CADM2: variants seen among roughly 807,000 people sequenced by gnomAD.
CADM2 encodes the protein cell adhesion molecule 2.
Under a neutral mutation model 49.8 loss-of-function variants are expected in CADM2, and 12 were observed. That is an observed-to-expected ratio of 0.24 (90% CI 0.15 to 0.39). The LOEUF is 0.39. Ranked by LOEUF, CADM2 falls within the 10% of genes least tolerant of loss-of-function variation. The pLI, the probability that CADM2 is intolerant of heterozygous loss-of-function variation, is 1.00. For missense variants in CADM2, 378 were observed against 492.3 expected (o/e 0.77, Z 2.20); for synonymous variants, 214 against 175.4 (o/e 1.22, Z -1.74).
chr3:85,117,941 T>C (rs1000422163), intron 1 of CADM2, among the ~76,000 whole-genome samples: 3 of 152,168 alleles, frequency 2.0e-5, no homozygotes, highest in African/African-American at 7.2e-5. Flanking sequence ...TTCACAACTC[T>C]AAAAATTGTA....
rs115338919 is a variant in CADM2 at position 85,626,642 on chromosome 3, T to A, written c.62-99880T>A. On this transcript the variant is annotated intron_variant, in intron 1 of 9. Transcript: ENST00000383699. ...CTGTTGACAGCAAAGAGATTTCTCA[T>A]GTAATTGAAAAATAGCAATTATTAA... 8.2e-3 allele frequency among the ~76,000 whole-genome samples: 1,255 copies of A among 152,184 alleles called. 5 individuals carry two copies. Among genetic ancestry groups the A allele is most frequent in the South Asian group, 0.025 (121 of 4,828 alleles).
intron 1 of CADM2, among the ~76,000 whole-genome samples, chr3:85,495,923 G>C (rs543418684): frequency 6.6e-5 from 10 of 151,998 alleles, no homozygotes; most frequent in Admixed American, 5.9e-4. Context: ...ATGACAACTG[G>C]AACAAGTATC....
rs1267098016 is a variant in CADM2 at position 85,836,744 on chromosome 3, C to T, written c.238+34548C>T. ...CTCCTGCATGACTAAAACTGAAAAA[C>T]ATTTCAAAGCTCTCTGCCTCTTACA... is the stretch of plus-strand genomic sequence containing the variant. On this transcript the variant is annotated intron_variant, in intron 3 of 9. Coordinates refer to ENST00000383699, the MANE Select transcript of CADM2 (RefSeq NM_001167675.2). Among the ~76,000 whole-genome samples, 11 of 151,654 alleles carry T rather than the reference C, an allele frequency of 7.3e-5. 1 individual carries two copies. Among genetic ancestry groups the T allele is most frequent in the East Asian group, 5.8e-4 (3 of 5,138 alleles).
At chr3:85,678,923 C>A (rs573792579) in intron 1 of CADM2, among the ~76,000 whole-genome samples, 1 of 152,236 alleles carries the variant, frequency 6.6e-6, no homozygotes, top group East Asian at 1.9e-4. Context: ...TGCTGCTAAA[C>A]ATCCTGCCAT....
chr3:86,066,516 AG>A, intron 9 of CADM2, 148 bp from the exon 10 acceptor site: 1 of 642,634 alleles, frequency 1.6e-6, no homozygotes. Context: ...GAAAACTGTA[AG>A]AAAACAGTGC....
At chr3:85,271,463 A>T (rs933574315) in intron 1 of CADM2, among the ~76,000 whole-genome samples, 1 of 151,264 alleles carries the variant, frequency 6.6e-6, no homozygotes, top group Admixed American at 6.6e-5. Context: ...TTGGGTCATA[A>T]GTTTTGAAAC....
intron 1 of CADM2, among the ~76,000 whole-genome samples, chr3:85,532,951 T>G (rs1479535536): frequency 6.6e-6 from 1 of 152,090 alleles, no homozygotes; most frequent in Non-Finnish European, 1.5e-5. Context: ...GGGAGCTAGA[T>G]GATGAGGAGT....
intron 8 of CADM2, among the ~76,000 whole-genome samples, chr3:86,023,765 C>G (rs1261797071): frequency 1.3e-5 from 2 of 152,148 alleles, no homozygotes; most frequent in Non-Finnish European, 2.9e-5. Context: ...CTATTTCTCA[C>G]TGCAGATGAC....
At position 85,453,268 on chromosome 3, in the gene CADM2, A is replaced by C. The variant is rs189305538; in HGVS notation, c.62-273254A>C. Among the ~76,000 whole-genome samples, 524 of 152,176 alleles carry C rather than the reference A, an allele frequency of 3.4e-3. 3 individuals carry two copies. The highest frequency in any genetic ancestry group is 0.012 in the African/African-American group (499 of 41,534). ...TAGTGAAAAATAAATGCATAGTATA[A>C]TAAAGTGGATGTTTCTTTGAAAAAA... is the stretch of plus-strand genomic sequence containing the variant. On this transcript the variant is annotated intron_variant, in intron 1 of 9. Transcript: ENST00000383699.
chr3:85,703,181 G>C (rs1577120944), intron 1 of CADM2, among the ~76,000 whole-genome samples: 2 of 152,164 alleles, frequency 1.3e-5, no homozygotes, highest in Admixed American at 1.3e-4. Context: ...CAAGTGAAAA[G>C]GCAGGAAGAA....
chr3:85,782,668 G>A (rs1335143443), intron 2 of CADM2, among the ~76,000 whole-genome samples: 24 of 139,092 alleles, frequency 1.7e-4, no homozygotes, highest in South Asian at 2.3e-4. Context: ...AAAAAAAAAA[G>A]AAAAAAAAAA....
chr3:85,056,465 T>A (rs1482898210), intron 1 of CADM2, among the ~76,000 whole-genome samples: 5 of 152,044 alleles, frequency 3.3e-5, no homozygotes, highest in African/African-American at 4.8e-5. Flanking sequence ...AAATTTTTAT[T>A]CAGGTTTAAT....
intron 1 of CADM2, among the ~76,000 whole-genome samples, chr3:85,428,224 A>G (rs1415648890): frequency 6.6e-6 from 1 of 150,596 alleles, no homozygotes; most frequent in Non-Finnish European, 1.5e-5. Context: ...GGCACAGAGT[A>G]AAGTGTTCAT....
In CADM2 at chr3:86,016,938, C is replaced by T. The variant is rs926571496; in HGVS notation, c.971-48667C>T. Among the ~76,000 whole-genome samples, 5 of 151,704 alleles carry T rather than the reference C, an allele frequency of 3.3e-5. No homozygotes were observed. The East Asian group carries it at 7.7e-4, about 23-fold the overall frequency. On this transcript the variant is annotated intron_variant, in intron 8 of 9. Transcript: ENST00000383699. The stretch of plus-strand genomic sequence containing the variant: ...AACTTTCACTGATTTTTTTAAAAAT[C>T]TGAACTTTGAGAATACTTAGAAAAA...
At chr3:85,806,458 A>G (rs979100787) in intron 3 of CADM2, among the ~76,000 whole-genome samples, 4 of 152,178 alleles carry the variant, frequency 2.6e-5, no homozygotes, top group African/African-American at 9.7e-5. Flanking sequence ...GGCAGCCCAC[A>G]TGTCATGTTA....
chr3:85,151,354 G>C (rs1454604201), intron 1 of CADM2, among the ~76,000 whole-genome samples: 1 of 151,256 alleles, frequency 6.6e-6, no homozygotes, highest in Non-Finnish European at 1.5e-5. Flanking sequence ...TTACTTACTT[G>C]AGATGGCCTT....
In CADM2 at chr3:85,875,010, T is replaced by A. The variant is rs56247715; in HGVS notation, c.239-8281T>A. Among the ~76,000 whole-genome samples the A allele has an allele frequency of 1.1e-3, 174 of 152,292 alleles. 1 individual carries two copies. Among genetic ancestry groups the A allele is most frequent in the Non-Finnish European group, 2.0e-3 (139 of 68,012 alleles). On this transcript the variant is annotated intron_variant, in intron 3 of 9. Transcript: ENST00000383699. ...ATAGTAACACAGTTTCCAGATGTATTGCTTAGGTTCTGTTTGCATTTCTAT... is the reference window on the plus strand; with the variant it reads ...ATAGTAACACAGTTTCCAGATGTATAGCTTAGGTTCTGTTTGCATTTCTAT...
At chr3:85,880,147 G>A (rs1010871354) in intron 3 of CADM2, among the ~76,000 whole-genome samples, 2 of 152,134 alleles carry the variant, frequency 1.3e-5, no homozygotes, top group Non-Finnish European at 2.9e-5. Flanking sequence ...GCGTTTCTTA[G>A]TGGTTGCTCT....
At chr3:85,577,984 T>TTCCTTCC (rs2062685649) in intron 1 of CADM2, among the ~76,000 whole-genome samples, 3 of 134,220 alleles carry the variant, frequency 2.2e-5, no homozygotes, top group South Asian at 2.7e-4. Flanking sequence ...TATTAATCTC[T>TTCCTTCC]TTCCTTCCTT....
Sources: gnomAD v4.1 joint callset for allele counts (sites outside exome capture counted in the v4.1 genomes callset) on GRCh38, gnomAD v4.1.1 for gene constraint, MANE v1.5 for transcripts, NCBI Gene and HGNC (gene_info 2026-07-23, HGNC 2026-07-21) for gene names.